The following PTPRA variants were observed in gnomAD, a reference collection of about 807,000 sequenced individuals.
PTPRA encodes protein tyrosine phosphatase receptor type A.
A neutral mutation model predicts 104.8 loss-of-function variants in PTPRA; 25 were observed. That is an observed-to-expected ratio of 0.24 (90% CI 0.17 to 0.33). PTPRA has a LOEUF of 0.33. Among genes scored for constraint, PTPRA ranks in the 10% least tolerant of loss-of-function variants. The pLI, the probability that PTPRA is intolerant of heterozygous loss-of-function variation, is 1.00. For synonymous variants in PTPRA, 323 were observed against 368.9 expected (o/e 0.88, Z 1.43); for missense variants, 765 against 1,015.3 (o/e 0.75, Z 3.35).
Position 3,011,900 on chromosome 20 carries a change from T to C in PTPRA, c.907-3949T>C, listed in dbSNP as rs541969406. 3.3e-5 allele frequency among the ~76,000 whole-genome samples: 5 copies of C among 152,316 alleles called. No individual in the cohort carries two copies. In the East Asian group the frequency reaches 9.6e-4, roughly 29 times the overall value. On this transcript the variant is annotated intron_variant, in intron 11 of 23. Coordinates refer to ENST00000399903, the MANE Select transcript of PTPRA (RefSeq NM_001385305.1). ...CTGTCATAGTGAAACCTCTGCACAG[T>C]GCTGCAGAAGAACTGGATGCTTCTA... is the stretch of plus-strand genomic sequence containing the variant.
chr20:2,997,111 A>G (rs2063429270), intron 9 of PTPRA, among the ~76,000 whole-genome samples: 1 of 147,032 alleles, frequency 6.8e-6, no homozygotes, highest in South Asian at 2.3e-4. Flanking sequence ...ATAGATCTCT[A>G]AGTTATATTG....
Position 3,037,110 on chromosome 20 carries a change from A to G in PTPRA, c.2199-44A>G, listed in dbSNP as rs750231178. The G allele has an allele frequency of 6.2e-7, 1 of 1,603,626 alleles. No homozygotes were observed. Among genetic ancestry groups the G allele is most frequent in the Non-Finnish European group, 8.5e-7 (1 of 1,174,436 alleles). On this transcript the variant is annotated intron_variant, in intron 22 of 23. Transcript: ENST00000399903. The surrounding 1 kb of genome is among the most constrained non-coding windows in gnomAD (Gnocchi z 4.3). Reference sequence around the variant, plus strand: ...ACCACTGTCACTCACCCCCTTGCACAGAGGGCCATCACAGGTGTGGTAAAT... The same window carrying G: ...ACCACTGTCACTCACCCCCTTGCACGGAGGGCCATCACAGGTGTGGTAAAT...
chr20:2,919,990 A>G (rs1320395601), intron 1 of PTPRA, among the ~76,000 whole-genome samples: 3 of 152,238 alleles, frequency 2.0e-5, no homozygotes, highest in Non-Finnish European at 4.4e-5. Context: ...TGCTGAAACT[A>G]CATATCTATG....
At chr20:2,975,793 C>T (rs184174227) in intron 6 of PTPRA, among the ~76,000 whole-genome samples, 1 of 152,244 alleles carries the variant, frequency 6.6e-6, no homozygotes, top group Admixed American at 6.5e-5. Context: ...AAGTGTGGCA[C>T]ATTTTGCCTA....
chr20:2,921,905 A>G (rs1383805243), intron 1 of PTPRA, among the ~76,000 whole-genome samples: 1 of 152,192 alleles, frequency 6.6e-6, no homozygotes, highest in Non-Finnish European at 1.5e-5. Context: ...TCTTTGATCA[A>G]TGTAGAGATT....
At chr20:3,006,122 T>C (rs551281336) in intron 10 of PTPRA, among the ~76,000 whole-genome samples, 2 of 151,926 alleles carry the variant, frequency 1.3e-5, no homozygotes, top group South Asian at 4.2e-4. Flanking sequence ...GTCTCCCAAG[T>C]GTTGGGATTA....
At chr20:2,955,115 C>T (rs2061491185) in intron 3 of PTPRA, among the ~76,000 whole-genome samples, 1 of 152,002 alleles carries the variant, frequency 6.6e-6, no homozygotes, top group Admixed American at 6.6e-5. Context: ...TAGATTTCTC[C>T]CCTTTTTTTG....
At chr20:2,901,032 C>T (rs1244982904) in intron 1 of PTPRA, among the ~76,000 whole-genome samples, 5 of 151,844 alleles carry the variant, frequency 3.3e-5, no homozygotes, top group Non-Finnish European at 5.9e-5. Context: ...AGTGCAGTGG[C>T]GCGATCTCGG....
chr20:2,870,276 G>A (rs1040908285), upstream of PTPRA, among the ~76,000 whole-genome samples: 4 of 151,976 alleles, frequency 2.6e-5, no homozygotes, highest in South Asian at 4.1e-4. Context: ...GCTGAGGCAG[G>A]AGAATCGCTT....
At chr20:3,014,321 C>T (rs753534814) in intron 11 of PTPRA, among the ~76,000 whole-genome samples, 5 of 152,170 alleles carry the variant, frequency 3.3e-5, no homozygotes, top group Non-Finnish European at 7.3e-5. Context: ...CCCTGCCCTG[C>T]CCTTGTTTGA....
At chr20:2,903,107 A>G (rs1036201450) in intron 1 of PTPRA, among the ~76,000 whole-genome samples, 8 of 152,236 alleles carry the variant, frequency 5.3e-5, no homozygotes, top group African/African-American at 1.4e-4. Flanking sequence ...GAATGCCTAC[A>G]TGACTGCTCA....
In PTPRA at chr20:2,931,718, TTGTGTGTG is replaced by T. The variant is rs11469421; in HGVS notation, c.-50+8455_-50+8462del. 2.0e-5 allele frequency among the ~76,000 whole-genome samples: 3 copies of T among 149,832 alleles called. No homozygotes were observed. The East Asian group carries it at 5.9e-4, about 30-fold the overall frequency. On this transcript the variant is annotated intron_variant, in intron 2 of 23. Transcript: ENST00000399903. The stretch of plus-strand genomic sequence containing the variant: ...AGTGAAGGCAGGGACGGGTCTTGGC[TTGTGTGTG>T]TGTGTGTGTGTGTGTGTGTGTAAGA...
rs149732415 is a variant in PTPRA, at chr20:2,938,248, G to A, written c.-49-9734G>A. On this transcript the variant is annotated intron_variant, in intron 2 of 23. Coordinates refer to ENST00000399903, the MANE Select transcript of PTPRA (RefSeq NM_001385305.1). ...CACCCAGGCTGGAGGGCAGTGGCTC[G>A]ATCTTGGTTCACTACAACCTCCGCC... Among the ~76,000 whole-genome samples, 756 of 152,150 alleles carry A rather than the reference G, an allele frequency of 5.0e-3. 5 individuals are homozygous for A. The highest frequency in any genetic ancestry group is 0.017 in the African/African-American group (720 of 41,514).
chr20:2,943,213 A>C (rs867079898), intron 2 of PTPRA, among the ~76,000 whole-genome samples: 5,995 of 116,038 alleles, frequency 0.052, 13 homozygotes, highest in African/African-American at 0.081. Context: ...ATATCCCCCC[A>C]CCCCCCCCCC....
rs975803846 is a variant in PTPRA at position 3,024,980 on chromosome 20, A to G, written c.1614+359A>G. Among the ~76,000 whole-genome samples, 3 of 152,198 alleles carry G rather than the reference A, an allele frequency of 2.0e-5. No individual in the cohort carries two copies. In the South Asian group the frequency reaches 6.2e-4, roughly 32 times the overall value. Reference sequence around the variant, plus strand: ...TACTTAGTGCTGTCTTTGTAACACAAAGGCAGCCATAACCAATAGGTAAAT... The same window carrying G: ...TACTTAGTGCTGTCTTTGTAACACAGAGGCAGCCATAACCAATAGGTAAAT... On this transcript the variant is annotated intron_variant, in intron 17 of 23. Transcript: ENST00000399903.
At chr20:2,961,521 G>A (rs2061754682) in intron 3 of PTPRA, among the ~76,000 whole-genome samples, 1 of 152,062 alleles carries the variant, frequency 6.6e-6, no homozygotes, top group African/African-American at 2.4e-5. Context: ...TCTGTCCTTT[G>A]TCAGATCTAT....
intron 3 of PTPRA, among the ~76,000 whole-genome samples, chr20:2,963,756 G>A (rs985128502): frequency 6.6e-6 from 1 of 152,040 alleles, no homozygotes; most frequent in African/African-American, 2.4e-5. Context: ...TTTGGATTAG[G>A]GACTAGGTGT....
rs1310245515 is a variant in PTPRA, at chr20:3,007,366, G to A, written c.852G>A (p.Leu284=). 2.5e-6 allele frequency: 4 copies of A among 1,614,076 alleles called. No individual in the cohort carries two copies. Among genetic ancestry groups the A allele is most frequent in the Non-Finnish European group, 3.4e-6 (4 of 1,179,924 alleles). Residue 284 remains leucine, a synonymous_variant, in exon 11 of 24, where the codon CTG becomes CTA. Coordinates refer to ENST00000399903, the MANE Select transcript of PTPRA (RefSeq NM_001385305.1). Reference sequence around the variant, plus strand: ...TAGATGACCACTCTAGAGTCCACCTGACACCGGTTGAAGGGGTTCCAGATT... The same window carrying A: ...TAGATGACCACTCTAGAGTCCACCTAACACCGGTTGAAGGGGTTCCAGATT... ...ILPYDHSRVH[L]TPVEGVPDSD...
intron 12 of PTPRA, among the ~76,000 whole-genome samples, chr20:3,017,398 G>T (rs1310496246): frequency 2.0e-5 from 3 of 152,130 alleles, no homozygotes; most frequent in African/African-American, 7.2e-5. Context: ...TTGAATTCTA[G>T]CCTGAACAAG....
Sources: allele counts gnomAD v4.1 joint callset (sites outside exome capture counted in the v4.1 genomes callset), GRCh38; gene constraint gnomAD v4.1.1; non-coding constraint Gnocchi (gnomAD v3.1); transcripts MANE v1.5; gene names NCBI Gene and HGNC (gene_info 2026-07-23, HGNC 2026-07-21).